The following IWS1 variants were observed in gnomAD, a reference collection of about 807,000 sequenced individuals.
IWS1 encodes interacts with SUPT6H, CTD assembly factor 1, also known as protein IWS1 homolog.
In IWS1, 27 loss-of-function variants were observed where a neutral mutation model predicts 86.7. That is an observed-to-expected ratio of 0.31 (90% CI 0.23 to 0.43). IWS1 has a LOEUF of 0.43. Ranked by LOEUF, IWS1 falls within the 20% of genes least tolerant of loss-of-function variation. The pLI is 1.00. For synonymous variants in IWS1, 313 were observed against 335.1 expected (o/e 0.93, Z 0.72); for missense variants, 827 against 1,000.8 (o/e 0.83, Z 2.34).
intron 3 of IWS1, 58 bp from the exon 4 acceptor site, chr2:127,503,634 G>T: frequency 8.3e-7 from 1 of 1,197,826 alleles, no homozygotes; most frequent in Non-Finnish European, 1.1e-6. Flanking sequence ...GTATTACTAA[G>T]CATAACAGGT....
At chr2:127,487,032 G>T (rs1160093667) in intron 12 of IWS1, among the ~76,000 whole-genome samples, 2 of 152,160 alleles carry the variant, frequency 1.3e-5, no homozygotes, top group Non-Finnish European at 2.9e-5. Context: ...GAGTTCACTT[G>T]TGAGATGAGG....
chr2:127,510,863 T>A (rs934855166), intron 2 of IWS1, among the ~76,000 whole-genome samples: 1 of 152,220 alleles, frequency 6.6e-6, no homozygotes, highest in African/African-American at 2.4e-5. Flanking sequence ...AACTTCAGTA[T>A]GCTTAAGAAT....
rs368270703 is a variant in IWS1 at position 127,481,217 on chromosome 2, C to T, written c.2329-42G>A. Reference sequence around the variant, plus strand: ...AATTAAAGAGCAAACTACTGAAATACGTAAGTCTAGTTATGTCTTTCATCT... The same window carrying T: ...AATTAAAGAGCAAACTACTGAAATATGTAAGTCTAGTTATGTCTTTCATCT... On this transcript the variant is annotated intron_variant, in intron 13 of 13. Transcript: ENST00000295321. The T allele has an allele frequency of 1.2e-4, 191 of 1,560,034 alleles. 1 individual carries two copies. The highest frequency in any genetic ancestry group is 1.6e-4 in the Non-Finnish European group (184 of 1,158,946).
chr2:127,526,828 C>T, upstream of IWS1: 1 of 536,492 alleles, frequency 1.9e-6, no homozygotes, highest in East Asian at 7.1e-5. Context: ...CCCAGAGGCG[C>T]CTGGTTCCCG....
At chr2:127,497,065 T>A (rs1217693721) in intron 6 of IWS1, among the ~76,000 whole-genome samples, 1 of 151,970 alleles carries the variant, frequency 6.6e-6, no homozygotes, top group Non-Finnish European at 1.5e-5. Flanking sequence ...ATGATATTGA[T>A]ACAACAACAA....
intron 13 of IWS1, among the ~76,000 whole-genome samples, chr2:127,483,604 CTGTG>C (rs1292081664): frequency 2.7e-4 from 7 of 26,032 alleles, no homozygotes; most frequent in Admixed American, 6.1e-4. Flanking sequence ...GGGGGTTGGG[CTGTG>C]TGTGTGTGTG....
At position 127,493,316 on chromosome 2, in the gene IWS1, T is replaced by C; in HGVS notation, c.1894A>G (p.Lys632Glu). The change falls in exon 9 of 14, where the codon AAG becomes GAG. Residue 632 changes from lysine to glutamate, a missense_variant. Physicochemically the swap from Lys to Glu is moderately conservative, Grantham distance 56 (BLOSUM62 1). Transcript: ENST00000295321. ...PLPDRSLPAL[K>E]IREELLKILQ... ...ATCTTCAGCAGCTCCTCCCGGATCT[T>C]GAGTGCAGGCAAACTCCTATCTGGT... The C allele has an allele frequency of 6.2e-7, 1 of 1,613,566 alleles. No homozygotes were observed. The highest frequency in any genetic ancestry group is 8.5e-7 in the Non-Finnish European group (1 of 1,179,864).
chr2:127,503,594 C>A lies in IWS1; in HGVS notation c.1220-18G>T. The stretch of plus-strand genomic sequence containing the variant: ...CTTTGCTGCTGTTGAAAAAGAAAAT[C>A]ATCATTAATTTTATTTTATCACAGC... On this transcript the variant is annotated intron_variant, in intron 3 of 13. Coordinates refer to ENST00000295321, the MANE Select transcript of IWS1 (RefSeq NM_017969.3). The A allele has an allele frequency of 6.5e-7, 1 of 1,549,614 alleles. No individual in the cohort carries two copies. Among genetic ancestry groups the A allele is most frequent in the South Asian group, 1.3e-5 (1 of 79,176 alleles).
intron 3 of IWS1, among the ~76,000 whole-genome samples, chr2:127,503,915 T>A (rs1265669791): frequency 1.3e-5 from 2 of 152,202 alleles, no homozygotes; most frequent in African/African-American, 2.4e-5. Flanking sequence ...AAAACTGGCA[T>A]CCTTTCTATG....
intron 2 of IWS1, among the ~76,000 whole-genome samples, chr2:127,521,597 G>A (rs886741664): frequency 2.6e-5 from 4 of 152,126 alleles, no homozygotes; most frequent in Non-Finnish European, 4.4e-5. Context: ...TAAGACCTAC[G>A]GTTGGACAAA....
intron 12 of IWS1, among the ~76,000 whole-genome samples, chr2:127,486,955 C>A (rs1322438226): frequency 6.6e-6 from 1 of 152,176 alleles, no homozygotes; most frequent in Admixed American, 6.5e-5. Context: ...GCCCCTCTGC[C>A]TTCCAAGGCT....
At chr2:127,511,948 A>G (rs1691475213) in intron 2 of IWS1, among the ~76,000 whole-genome samples, 1 of 148,776 alleles carries the variant, frequency 6.7e-6, no homozygotes, top group Non-Finnish European at 1.5e-5. Context: ...GATCCAAACA[A>G]GAGCAGACTT....
chr2:127,525,775 A>G (rs1864553), intron 1 of IWS1, among the ~76,000 whole-genome samples: 107,637 of 152,052 alleles, frequency 0.71, 38,579 homozygotes, highest in East Asian at 0.82. Flanking sequence ...CGGTGTTGCA[A>G]GCAAGATTAA....
intron 8 of IWS1, among the ~76,000 whole-genome samples, chr2:127,493,716 TAA>T (rs397974960): frequency 7.8e-6 from 1 of 127,426 alleles, no homozygotes; most frequent in Admixed American, 8.3e-5. Flanking sequence ...TCTTTTCAAC[TAA>T]AAAAAAAAAA....
At chr2:127,504,451 T>C (rs1298607406) in intron 3 of IWS1, among the ~76,000 whole-genome samples, 1 of 152,058 alleles carries the variant, frequency 6.6e-6, no homozygotes, top group Admixed American at 6.5e-5. Flanking sequence ...TGACATGTGG[T>C]TTATCACTTT....
At position 127,504,983 on chromosome 2, in the gene IWS1, G is replaced by A. The variant is rs770224758; in HGVS notation, c.920C>T (p.Pro307Leu). The A allele has an allele frequency of 2.5e-6, 4 of 1,614,030 alleles. No homozygotes were observed. In the South Asian group the frequency reaches 3.3e-5, roughly 13 times the overall value. The stretch of plus-strand genomic sequence containing the variant: ...TGAGTCACTGGCAGGCCCCTTCTGA[G>A]GCCCCTCACTCTCAGAGTCACTGAC... Reference protein sequence around the residue: ...PRVSDSESEGPQKGPASDSET... With the variant: ...PRVSDSESEGLQKGPASDSET... The change falls in exon 3 of 14, where the codon CCT becomes CTT. Residue 307 changes from proline (P) to leucine (L), a missense_variant. Transcript: ENST00000295321.
intron 2 of IWS1, among the ~76,000 whole-genome samples, chr2:127,520,647 T>A (rs1448871194): frequency 6.6e-6 from 1 of 152,236 alleles, no homozygotes; most frequent in Non-Finnish European, 1.5e-5. Context: ...ACTAGTGGTT[T>A]AGCAAATTAC....
At position 127,502,777 on chromosome 2, in the gene IWS1, G is replaced by A. The variant is rs770565055; in HGVS notation, c.1467+38C>T. 3 of 1,167,814 alleles carry A rather than the reference G, an allele frequency of 2.6e-6. No individual in the cohort carries two copies. In the African/African-American group the frequency reaches 4.6e-5, roughly 18 times the overall value. The allele number at this position is 1,167,814 out of a possible 1,614,324, so 72.3% of individuals were successfully genotyped here. The stretch of plus-strand genomic sequence containing the variant: ...ACTGCCATAAAAACACCAAAAAAAA[G>A]CACAATCAAGGAGGAAATATTTCCA... On this transcript the variant is annotated intron_variant, in intron 5 of 13. Transcript: ENST00000295321.
chr2:127,493,243 ATAAT>A, intron 9 of IWS1, 34 bp downstream of exon 9: 2 of 1,582,024 alleles, frequency 1.3e-6, no homozygotes, highest in African/African-American at 1.4e-5. Context: ...ACCACATTAG[ATAAT>A]TAATAAAGAA....
Sources: allele counts gnomAD v4.1 joint callset (sites outside exome capture counted in the v4.1 genomes callset), GRCh38; gene constraint gnomAD v4.1.1; transcripts MANE v1.5; gene names NCBI Gene and HGNC (gene_info 2026-07-23, HGNC 2026-07-21).